Variants in CLPSL1 observed in about 807,000 individuals in gnomAD.
CLPSL1 encodes the protein colipase-like protein 1.
In CLPSL1, 13 loss-of-function variants were observed where a neutral mutation model predicts 9.3. That is an observed-to-expected ratio of 1.40 (90% CI 0.91 to 2.22). CLPSL1 has a LOEUF of 2.22. CLPSL1 is among the 30% of genes most tolerant of loss of function. CLPSL1 has a pLI of 0.00. For synonymous variants in CLPSL1, 58 were observed against 56.9 expected, an observed-to-expected ratio of 1.02 and a Z score of -0.08; for missense variants, 164 against 146.6, an observed-to-expected ratio of 1.12 and a Z score of -0.61.
chr6:35,783,397 CT>C (rs1381334635), intron 1 of CLPSL1, among the ~76,000 whole-genome samples: 5 of 152,138 alleles, frequency 3.3e-5, no homozygotes, highest in African/African-American at 1.2e-4. Flanking sequence ...ATAATCCCAG[CT>C]ACTTGGGAGG....
At chr6:35,786,527 T>A (rs550912864) in intron 1 of CLPSL1, among the ~76,000 whole-genome samples, 1 of 152,298 alleles carries the variant, frequency 6.6e-6, no homozygotes, top group South Asian at 2.1e-4. Context: ...ATTGAAATTG[T>A]CAGAGATGAT....
rs1290896384 is a variant in CLPSL1, at chr6:35,788,081, C to T, written c.*71C>T. 8.1e-7 allele frequency: 1 copy of T among 1,237,140 alleles called. No homozygotes were observed. Among genetic ancestry groups the T allele is most frequent in the African/African-American group, 1.5e-5 (1 of 66,956 alleles). 76.6% of individuals were successfully genotyped at this position (1,237,140 alleles called of 1,614,324 possible). ...CCCTACCCAGAGCTCTGTGTTCACC[C>T]TGTTCCCCAGAGCCTCCACCATGAG... On this transcript the variant is annotated 3_prime_UTR_variant, in exon 3 of 3. Coordinates refer to ENST00000373861, the MANE Select transcript of CLPSL1 (RefSeq NM_001010886.5).
At chr6:35,788,609 G>C (rs1768135604), downstream of CLPSL1, among the ~76,000 whole-genome samples, 1 of 152,268 alleles carries the variant, frequency 6.6e-6, no homozygotes, top group Non-Finnish European at 1.5e-5. Context: ...GAAACGGGTT[G>C]AGCAACTTGT....
intron 1 of CLPSL1, among the ~76,000 whole-genome samples, chr6:35,786,773 C>A: frequency 1.8e-5 from 1 of 56,496 alleles, no homozygotes; most frequent in East Asian, 3.6e-4. Context: ...ATGTTGAGGA[C>A]ACCAAGAGTA....
intron 2 of CLPSL1, among the ~76,000 whole-genome samples, 189 bp from the exon 3 acceptor site, chr6:35,787,678 C>T (rs1419778386): frequency 6.6e-6 from 1 of 152,272 alleles, no homozygotes; most frequent in Non-Finnish European, 1.5e-5. Context: ...TGGGAGGACA[C>T]TGAACAATCC....
At chr6:35,785,021 C>CTA (rs1393962717) in intron 1 of CLPSL1, among the ~76,000 whole-genome samples, 4 of 152,046 alleles carry the variant, frequency 2.6e-5, no homozygotes, top group African/African-American at 9.7e-5. Context: ...TGTCGTGTGC[C>CTA]TCTCTCCCCT....
intron 1 of CLPSL1, 75 bp from the exon 2 acceptor site, chr6:35,786,923 G>C (rs1258354702): frequency 2.0e-6 from 3 of 1,519,940 alleles, no homozygotes; most frequent in African/African-American, 2.7e-5. Flanking sequence ...GCCCCGTAGG[G>C]AGAAAGCCCC....
rs199711177 is a variant in CLPSL1 at position 35,787,162 on chromosome 6, G to A, written c.222+42G>A. ...GGGGGGAGCCAGAGGGGATCCAGGGGAAGTGGGAGCCAGGGCGGGCCCAGA... is the reference window on the plus strand; with the variant it reads ...GGGGGGAGCCAGAGGGGATCCAGGGAAAGTGGGAGCCAGGGCGGGCCCAGA... On this transcript the variant is annotated intron_variant, in intron 2 of 2. Transcript: ENST00000373861. 9.7e-4 allele frequency: 1,552 copies of A among 1,602,982 alleles called. No individual in the cohort carries two copies. The African/African-American group carries it at 0.018, about 19-fold the overall frequency.
Position 35,787,007 on chromosome 6 carries a change from G to C in CLPSL1, c.109G>C (p.Glu37Gln). Residue 37 changes from glutamate to glutamine, a missense_variant, in exon 2 of 3, where the codon GAG becomes CAG. Physicochemically the swap from Glu to Gln is conservative, Grantham distance 29. Transcript: ENST00000373861. ...GTGTCCCTCCCTGCAGGAGCTCAAG[G>C]AGTCTTGCATCCGGAACCAGGACTG... is the stretch of plus-strand genomic sequence containing the variant. ...PTKYNLLELK[E>Q]SCIRNQDCET... 1.3e-6 allele frequency: 2 copies of C among 1,581,420 alleles called. No individual in the cohort carries two copies. The highest frequency in any genetic ancestry group is 1.7e-6 in the Non-Finnish European group (2 of 1,165,450).
chr6:35,791,275 T>C (rs1296258896), downstream of CLPSL1, among the ~76,000 whole-genome samples: 2 of 152,240 alleles, frequency 1.3e-5, no homozygotes, highest in African/African-American at 4.8e-5. Context: ...GGCTACATCC[T>C]GATAAACACA....
chr6:35,785,779 A>T (rs1009971262), intron 1 of CLPSL1, among the ~76,000 whole-genome samples: 25 of 151,948 alleles, frequency 1.6e-4, no homozygotes, highest in African/African-American at 5.8e-4. Flanking sequence ...TACCTGTAAC[A>T]TCTCTACAAA....
chr6:35,786,335 A>G (rs1234688610), intron 1 of CLPSL1, among the ~76,000 whole-genome samples: 1 of 152,188 alleles, frequency 6.6e-6, no homozygotes, highest in East Asian at 1.9e-4. Flanking sequence ...GCTAGTGGCT[A>G]TTGGACTGGG....
At chr6:35,783,572 C>T (rs185963949) in intron 1 of CLPSL1, among the ~76,000 whole-genome samples, 1,578 of 151,586 alleles carry the variant, frequency 0.01, 26 homozygotes, top group Middle Eastern at 0.034. Flanking sequence ...TTTGGGAGGC[C>T]GAGGCAGGCA....
intron 1 of CLPSL1, 58 bp from the exon 2 acceptor site, chr6:35,786,940 G>T (rs72925882): frequency 7.8e-6 from 12 of 1,539,074 alleles, no homozygotes; most frequent in Non-Finnish European, 1.0e-5. Flanking sequence ...CCCCAGGCGG[G>T]GCGGCGAGGG....
rs1252434848 is a variant in CLPSL1, at chr6:35,787,031, T to C, written c.133T>C (p.Cys45Arg). ...GGAGTCTTGCATCCGGAACCAGGAC[T>C]GCGAGACTGGCTGCTGCCAACGTGC... ...LKESCIRNQDCETGCCQRAPD... is the reference protein window; with the variant it reads ...LKESCIRNQDRETGCCQRAPD... The change falls in exon 2 of 3, where the codon TGC becomes CGC. Residue 45 changes from cysteine to arginine, a missense_variant. Coordinates refer to ENST00000373861, the MANE Select transcript of CLPSL1 (RefSeq NM_001010886.5). The C allele has an allele frequency of 3.1e-6, 5 of 1,593,678 alleles. No homozygotes were observed. The highest frequency in any genetic ancestry group is 4.3e-6 in the Non-Finnish European group (5 of 1,172,070).
At position 35,793,261 on chromosome 6, in the gene CLPSL1, T is replaced by C. The variant is rs182221791; in HGVS notation, c.82-227T>C. Among the ~76,000 whole-genome samples, 7 of 152,310 alleles carry C rather than the reference T, an allele frequency of 4.6e-5. No individual in the cohort carries two copies. The East Asian group carries it at 1.4e-3, about 29-fold the overall frequency. On this transcript the variant is annotated intron_variant, in intron 1 of 1. Transcript: ENST00000428710. The stretch of plus-strand genomic sequence containing the variant: ...CAACATGGTGAAACCCTGTCTCTAC[T>C]AAAAATGCAAAAAATCAGCCAGGCG...
At chr6:35,786,908 G>GAGGGGC in intron 1 of CLPSL1, 90 bp from the exon 2 acceptor site, 1 of 1,464,980 alleles carries the variant, frequency 6.8e-7, no homozygotes, top group Non-Finnish European at 9.2e-7. Context: ...AGAGTCTGGG[G>GAGGGGC]AGGAGCCCCG....
In CLPSL1 at chr6:35,787,886, G is replaced by C; in HGVS notation, c.242G>C (p.Arg81Thr). ...TCCCAGGTGTTCTTTGGCCAATATA[G>C]AGCGTGTCCCTGCCTGCGGAACCTG... ...CQTQVFFGQYRACPCLRNLTC... is the reference protein window; with the variant it reads ...CQTQVFFGQYTACPCLRNLTC... The change falls in exon 3 of 3, where the codon AGA becomes ACA. Residue 81 changes from arginine (R) to threonine (T), a missense_variant. Physicochemically the swap from Arg to Thr is moderately conservative, Grantham distance 71. Transcript: ENST00000373861. 1 of 1,608,278 alleles carries C rather than the reference G, an allele frequency of 6.2e-7. No homozygotes were observed. The highest frequency in any genetic ancestry group is 8.5e-7 in the Non-Finnish European group (1 of 1,174,948).
chr6:35,792,098 A>AAAAG (rs1554145280), downstream of CLPSL1, among the ~76,000 whole-genome samples: 1 of 149,596 alleles, frequency 6.7e-6, no homozygotes, highest in Non-Finnish European at 1.5e-5. Context: ...CCCCGCCACA[A>AAAAG]AAATAAATAA....
Sources: gnomAD v4.1 joint callset for allele counts (sites outside exome capture counted in the v4.1 genomes callset) on GRCh38, gnomAD v4.1.1 for gene constraint, MANE v1.5 for transcripts, NCBI Gene and HGNC (gene_info 2026-07-23, HGNC 2026-07-21) for gene names.